The following STON2 variants were observed in gnomAD, a reference collection of about 807,000 sequenced individuals.
The protein encoded by STON2 is stonin-2.
A neutral mutation model predicts 65.7 loss-of-function variants in STON2; 29 were observed. The ratio of observed to expected loss-of-function variants is 0.44; its 90% CI spans 0.33 to 0.60. The LOEUF is 0.60. Ranked by LOEUF, STON2 falls within the 20% of genes least tolerant of loss-of-function variation. The pLI is 0.03. For missense variants in STON2, 1,054 were observed against 1,118.1 expected (o/e 0.94, Z 0.82); for synonymous variants, 404 against 414.2 (o/e 0.98, Z 0.30).
At chr14:81,427,872 T>C (rs1007852527) in intron 1 of STON2, among the ~76,000 whole-genome samples, 2 of 152,162 alleles carry the variant, frequency 1.3e-5, no homozygotes, top group African/African-American at 4.8e-5. Context: ...TTAGAGCACA[T>C]TTCCTTTTGC....
At chr14:81,366,833 AT>A (rs35131933) in intron 4 of STON2, among the ~76,000 whole-genome samples, 80,268 of 151,706 alleles carry the variant, frequency 0.53, 22,111 homozygotes, top group East Asian at 0.74. Context: ...TTAAATTAAG[AT>A]TTTTTTTATT....
In STON2 at chr14:81,265,739, T is replaced by G; in HGVS notation, c.*2675A>C. On this transcript the variant is annotated 3_prime_UTR_variant, in exon 8 of 8. Transcript: ENST00000614646. The stretch of plus-strand genomic sequence containing the variant: ...CAGAATATAGATAGCATAGAAGGGA[T>G]TTTTCCCAACTCTTGGTAAAAAAAA... The G allele has an allele frequency of 1.0e-6, 1 of 962,688 alleles. No individual in the cohort carries two copies. Among genetic ancestry groups the G allele is most frequent in the Non-Finnish European group, 1.2e-6 (1 of 811,432 alleles). 59.6% of individuals were successfully genotyped at this position (962,688 alleles called of 1,614,324 possible).
chr14:81,303,427 T>G (rs1436166485), intron 5 of STON2, among the ~76,000 whole-genome samples: 4 of 152,186 alleles, frequency 2.6e-5, no homozygotes, highest in African/African-American at 9.7e-5. Context: ...ACAGTGGTGG[T>G]GTGGGACAAG....
chr14:81,385,143 T>C (rs1899731776), intron 3 of STON2, among the ~76,000 whole-genome samples: 1 of 152,254 alleles, frequency 6.6e-6, no homozygotes, highest in Non-Finnish European at 1.5e-5. Flanking sequence ...AATTGATGCA[T>C]GCTTGGGTGG....
rs1190273979 is a variant in STON2, at chr14:81,410,420, C to T, written c.-198-11840G>A. On this transcript the variant is annotated intron_variant, in intron 2 of 8. Transcript: ENST00000553821. The stretch of plus-strand genomic sequence containing the variant: ...CATGGCAAAACAGATTTTACAGATG[C>T]AATTAAGGTTACTACTCAATTGACC... 2.6e-5 allele frequency among the ~76,000 whole-genome samples: 4 copies of T among 151,584 alleles called. No homozygotes were observed. The East Asian group carries it at 7.7e-4, about 29-fold the overall frequency.
chr14:81,387,884 T>C (rs1252506963), intron 3 of STON2, among the ~76,000 whole-genome samples: 1 of 145,972 alleles, frequency 6.9e-6, no homozygotes, highest in African/African-American at 2.5e-5. Flanking sequence ...AGAGTGAGAC[T>C]CAGTCTCAAA....
chr14:81,354,678 C>A (rs1898153780), intron 4 of STON2, among the ~76,000 whole-genome samples: 1 of 151,860 alleles, frequency 6.6e-6, no homozygotes, highest in South Asian at 2.1e-4. Flanking sequence ...GAAACAACAA[C>A]AAAAAATAGA....
At chr14:81,302,533 C>T (rs1377782551) in intron 5 of STON2, among the ~76,000 whole-genome samples, 1 of 152,208 alleles carries the variant, frequency 6.6e-6, no homozygotes, top group African/African-American at 2.4e-5. Flanking sequence ...CATTTCTAGT[C>T]AAACTACACT....
chr14:81,311,308 T>C (rs77154327), intron 5 of STON2, among the ~76,000 whole-genome samples: 2,536 of 152,290 alleles, frequency 0.017, 68 homozygotes, highest in African/African-American at 0.051. Context: ...TGCTCTGCTC[T>C]GCTCTGCTCG....
At chr14:81,279,128 T>C (rs897734087) in intron 5 of STON2, among the ~76,000 whole-genome samples, 4 of 152,190 alleles carry the variant, frequency 2.6e-5, no homozygotes, top group African/African-American at 7.2e-5. Context: ...TAAAATGATA[T>C]AAGCTCATCT....
rs891177212 is a variant in STON2 at position 81,262,424 on chromosome 14, A to G, written c.*5990T>C. On this transcript the variant is annotated 3_prime_UTR_variant, in exon 8 of 8. Coordinates refer to ENST00000614646, the MANE Select transcript of STON2 (RefSeq NM_001394390.1). ...TTGAGTTGAATTAATCCTGCCATCT[A>G]TCCCTTTTTACTATGCAATCTTTAT... 2 of 982,716 alleles carry G rather than the reference A, an allele frequency of 2.0e-6. No individual in the cohort carries two copies. Among genetic ancestry groups the G allele is most frequent in the Admixed American group, 6.2e-5 (1 of 16,050 alleles). 60.9% of individuals were successfully genotyped at this position (982,716 alleles called of 1,614,324 possible).
upstream of STON2, among the ~76,000 whole-genome samples, chr14:81,404,770 G>T (rs1408303198): frequency 6.6e-6 from 1 of 152,202 alleles, no homozygotes. Flanking sequence ...GTCTCCCAAA[G>T]TGCTGGGATT....
At chr14:81,418,874 A>T (rs910113674) in intron 2 of STON2, among the ~76,000 whole-genome samples, 2 of 152,252 alleles carry the variant, frequency 1.3e-5, no homozygotes, top group Non-Finnish European at 2.9e-5. Context: ...CACATTTCCA[A>T]TAAAACAAAA....
rs1156841275 is a variant in STON2, at chr14:81,267,660, A to C, written c.*754T>G. ...ATGTCTCTTTTCTCCAAAATGAAGA[A>C]AACTAAGATTAATTTTGCCTTCCCC... On this transcript the variant is annotated 3_prime_UTR_variant, in exon 8 of 8. Coordinates refer to ENST00000614646, the MANE Select transcript of STON2 (RefSeq NM_001394390.1). 6 of 984,878 alleles carry C rather than the reference A, an allele frequency of 6.1e-6. No individual in the cohort carries two copies. Among genetic ancestry groups the C allele is most frequent in the Non-Finnish European group, 7.2e-6 (6 of 829,572 alleles). The allele number at this position is 984,878 out of a possible 1,614,324, so 61.0% of individuals were successfully genotyped here.
chr14:81,340,855 T>C (rs1897581159), intron 4 of STON2, among the ~76,000 whole-genome samples: 1 of 151,542 alleles, frequency 6.6e-6, no homozygotes, highest in Non-Finnish European at 1.5e-5. Flanking sequence ...ACTATTAATA[T>C]ATATCAATAT....
At chr14:81,402,282 G>C (rs543123351), upstream of STON2, among the ~76,000 whole-genome samples, 1 of 152,240 alleles carries the variant, frequency 6.6e-6, no homozygotes, top group East Asian at 1.9e-4. Flanking sequence ...CAAAGTTGGG[G>C]GGCACAGTCA....
chr14:81,280,104 C>T (rs1895045935), intron 5 of STON2, among the ~76,000 whole-genome samples: 3 of 151,988 alleles, frequency 2.0e-5, no homozygotes, highest in Admixed American at 2.0e-4. Context: ...TCCTTTTTTT[C>T]TCTAAAATAT....
At chr14:81,283,929 T>C (rs959136274) in intron 5 of STON2, among the ~76,000 whole-genome samples, 5 of 152,240 alleles carry the variant, frequency 3.3e-5, no homozygotes, top group Admixed American at 6.5e-5. Flanking sequence ...GGTCACGTTT[T>C]GGTAATTCTC....
chr14:81,301,482 T>C (rs1895965970), intron 5 of STON2, among the ~76,000 whole-genome samples: 1 of 152,174 alleles, frequency 6.6e-6, no homozygotes, highest in South Asian at 2.1e-4. Flanking sequence ...AGTGTTCTTA[T>C]GGGTATATAA....
Sources: gnomAD v4.1 joint callset for allele counts (sites outside exome capture counted in the v4.1 genomes callset) on GRCh38, gnomAD v4.1.1 for gene constraint, MANE v1.5 for transcripts, NCBI Gene and HGNC (gene_info 2026-07-23, HGNC 2026-07-21) for gene names.